MAST4: variants seen among roughly 807,000 people sequenced by gnomAD.
MAST4 encodes the protein microtubule associated serine/threonine kinase family member 4.
Under a neutral mutation model 162.7 loss-of-function variants are expected in MAST4, and 89 were observed. That is an observed-to-expected ratio of 0.55 (90% CI 0.46 to 0.65). The LOEUF is 0.65. Among genes scored for constraint, MAST4 ranks in the 30% least tolerant of loss-of-function variants. The probability of loss-of-function intolerance (pLI) is 0.00; values close to 1 mark genes in which losing one functional copy is unlikely to be tolerated. For missense variants in MAST4, 3,153 were observed against 3,374.0 expected (o/e 0.93, Z 1.62); for synonymous variants, 1,479 against 1,361.1 (o/e 1.09, Z -1.91).
At chr5:66,702,160 G>A (rs1184583669) in intron 1 of MAST4, among the ~76,000 whole-genome samples, 1 of 152,158 alleles carries the variant, frequency 6.6e-6, no homozygotes, top group African/African-American at 2.4e-5. Flanking sequence ...TCAGGGAATG[G>A]GAGCATCGGC....
intron 1 of MAST4, among the ~76,000 whole-genome samples, chr5:66,680,492 A>G (rs1748257894): frequency 6.6e-6 from 1 of 152,162 alleles, no homozygotes; most frequent in Admixed American, 6.5e-5. Context: ...GAGAATGTCA[A>G]TTCAGCTTCT....
At chr5:67,022,616 A>G (rs1581231603) in intron 4 of MAST4, among the ~76,000 whole-genome samples, 1 of 152,288 alleles carries the variant, frequency 6.6e-6, no homozygotes, top group East Asian at 1.9e-4. Flanking sequence ...CATTACTACT[A>G]TGAACCTTTA....
chr5:66,861,733 A>G (rs1438936878), intron 3 of MAST4, among the ~76,000 whole-genome samples: 3 of 152,228 alleles, frequency 2.0e-5, no homozygotes, highest in Admixed American at 6.5e-5. Context: ...TGAAATATGC[A>G]GAGTTCATGT....
intron 4 of MAST4, among the ~76,000 whole-genome samples, chr5:66,905,035 G>A (rs1251587366): frequency 2.0e-5 from 3 of 152,184 alleles, no homozygotes; most frequent in Admixed American, 6.5e-5. Context: ...GCCGGGCGCA[G>A]TGGCTCACGC....
intron 3 of MAST4, among the ~76,000 whole-genome samples, chr5:66,812,031 A>G (rs1285029580): frequency 6.6e-6 from 1 of 152,142 alleles, no homozygotes; most frequent in African/African-American, 2.4e-5. Context: ...CTTCTTAGCC[A>G]TGGTCTAGGG....
intron 2 of MAST4, among the ~76,000 whole-genome samples, chr5:66,787,341 C>A (rs1235514030): frequency 6.6e-6 from 1 of 152,202 alleles, no homozygotes; most frequent in Non-Finnish European, 1.5e-5. Flanking sequence ...AGAGTCTGTG[C>A]TTTCACTCTA....
chr5:66,690,046 A>C (rs564707902), intron 1 of MAST4, among the ~76,000 whole-genome samples: 1 of 152,204 alleles, frequency 6.6e-6, no homozygotes, highest in Non-Finnish European at 1.5e-5. Context: ...ATTAATCACC[A>C]TAAGTAATGA....
Position 67,165,549 on chromosome 5 carries a change from C to T in MAST4, c.6370C>T (p.Gln2124Ter). 1.2e-6 allele frequency: 2 copies of T among 1,614,024 alleles called. No homozygotes were observed. Among genetic ancestry groups the T allele is most frequent in the Non-Finnish European group, 1.7e-6 (2 of 1,179,888 alleles). Residue 2124 changes from glutamine (Q) to a stop codon, truncating the protein, a stop_gained, in exon 29 of 29, where the codon CAG becomes TAG. Coordinates refer to ENST00000403625, the MANE Select transcript of MAST4 (RefSeq NM_001164664.2). LOFTEE classifies it low-confidence loss of function (END_TRUNC). ...DGAKEPERKE[Q>*]PLQRHPSSIP... ...TGCCAAGGAACCTGAAAGGAAGGAG[C>T]AGCCTCTACAAAGGCATCCCAGCAG... is the stretch of plus-strand genomic sequence containing the variant.
intron 5 of MAST4, among the ~76,000 whole-genome samples, chr5:67,057,035 C>T (rs1758918645): frequency 6.6e-6 from 1 of 152,058 alleles, no homozygotes; most frequent in Non-Finnish European, 1.5e-5. Context: ...ATGGAGCCAA[C>T]ATGTTGTTGT....
At chr5:66,859,409 A>G (rs531022006) in intron 3 of MAST4, among the ~76,000 whole-genome samples, 1 of 152,052 alleles carries the variant, frequency 6.6e-6, no homozygotes, top group South Asian at 2.1e-4. Context: ...TGGTATTTTA[A>G]TTTAAGACAC....
chr5:67,152,371 C>T (rs1191597196), intron 24 of MAST4, among the ~76,000 whole-genome samples: 1 of 152,190 alleles, frequency 6.6e-6, no homozygotes, highest in Non-Finnish European at 1.5e-5. Context: ...AAAATTATAA[C>T]ATGAGAGTAT....
chr5:66,677,731 T>C (rs939573402), intron 1 of MAST4, among the ~76,000 whole-genome samples: 1 of 152,130 alleles, frequency 6.6e-6, no homozygotes, highest in African/African-American at 2.4e-5. Flanking sequence ...TGAGTAGAAA[T>C]GAGCCAGGCA....
chr5:66,732,847 G>A (rs1299250823), intron 1 of MAST4, among the ~76,000 whole-genome samples: 1 of 152,184 alleles, frequency 6.6e-6, no homozygotes, highest in Non-Finnish European at 1.5e-5. Context: ...TTGCTCAGCT[G>A]CACCTTTCCT....
At chr5:67,080,060 A>G (rs2561453) in intron 5 of MAST4, among the ~76,000 whole-genome samples, 44,290 of 152,064 alleles carry the variant, frequency 0.29, 8,156 homozygotes, top group African/African-American at 0.53. Context: ...CACCATTTCT[A>G]ACCCCTTGAG....
intron 3 of MAST4, among the ~76,000 whole-genome samples, chr5:66,880,540 A>G (rs1359126077): frequency 1.3e-5 from 2 of 152,156 alleles, no homozygotes; most frequent in African/African-American, 4.8e-5. Flanking sequence ...GCTCACTTCT[A>G]ACTTCTACTG....
chr5:66,942,133 T>C (rs926596291), intron 4 of MAST4, among the ~76,000 whole-genome samples: 31 of 152,124 alleles, frequency 2.0e-4, no homozygotes, highest in Non-Finnish European at 3.5e-4. Context: ...GTTGGAAAGA[T>C]GGTGCTGATA....
chr5:66,747,496 G>A (rs746923438), intron 1 of MAST4, among the ~76,000 whole-genome samples: 2 of 152,160 alleles, frequency 1.3e-5, no homozygotes, highest in African/African-American at 2.4e-5. Flanking sequence ...AAAGTGAATT[G>A]CAGTGAACAG....
At chr5:67,000,775 T>G (rs1751205643) in intron 4 of MAST4, among the ~76,000 whole-genome samples, 1 of 150,414 alleles carries the variant, frequency 6.6e-6, no homozygotes, top group Non-Finnish European at 1.5e-5. Context: ...GTGGCTTGTG[T>G]CAACAGGTGG....
rs571578738 is a variant in MAST4, at chr5:67,087,289, T to C, written c.764-2873T>C. On this transcript the variant is annotated intron_variant, in intron 5 of 28. Transcript: ENST00000403625. ...AATCTGCTAACGACTATGCTTGGTT[T>C]GCCCACCAGAATATCCTTTCTCTTG... is the stretch of plus-strand genomic sequence containing the variant. Among the ~76,000 whole-genome samples the C allele has an allele frequency of 2.0e-5, 3 of 152,340 alleles. No individual in the cohort carries two copies. In the South Asian group the frequency reaches 6.2e-4, roughly 32 times the overall value.
Sources: allele counts gnomAD v4.1 joint callset (sites outside exome capture counted in the v4.1 genomes callset), GRCh38; gene constraint gnomAD v4.1.1; transcripts MANE v1.5; gene names NCBI Gene and HGNC (gene_info 2026-07-23, HGNC 2026-07-21).